The following SPECC1 variants were observed in gnomAD, a reference collection of about 807,000 sequenced individuals.
SPECC1 encodes sperm antigen with calponin homology and coiled-coil domains 1.
In SPECC1, 62 loss-of-function variants were observed where a neutral mutation model predicts 104.1. The ratio of observed to expected loss-of-function variants is 0.60; its 90% confidence interval spans 0.49 to 0.74. The LOEUF is 0.74. SPECC1 is among the 30% of genes least tolerant of loss of function. The pLI, the probability that SPECC1 is intolerant of heterozygous loss-of-function variation, is 0.00. For synonymous variants in SPECC1, 513 were observed against 501.6 expected, an observed-to-expected ratio of 1.02 and a Z score of -0.30; for missense variants, 1,306 against 1,310.5, an observed-to-expected ratio of 1.00 and a Z score of 0.05.
At chr17:20,217,230 T>A (rs182954558) in intron 4 of SPECC1, among the ~76,000 whole-genome samples, 1 of 152,160 alleles carries the variant, frequency 6.6e-6, no homozygotes, top group African/African-American at 2.4e-5. Flanking sequence ...TTGTGAGAAG[T>A]TGTGAAATGA....
chr17:20,288,939 C>T (rs12942627), intron 12 of SPECC1, among the ~76,000 whole-genome samples: 64,327 of 151,622 alleles, frequency 0.42, 14,272 homozygotes, highest in East Asian at 0.8. Context: ...CGCCTGCCAC[C>T]GTGCCCGGCT....
chr17:20,207,193 T>C (rs997863369), intron 4 of SPECC1, among the ~76,000 whole-genome samples: 2 of 152,194 alleles, frequency 1.3e-5, no homozygotes, highest in Admixed American at 1.3e-4. Context: ...AATTATGCCA[T>C]GAGCTCTCAG....
At chr17:20,190,066 C>T (rs1033454474) in intron 3 of SPECC1, among the ~76,000 whole-genome samples, 1 of 151,886 alleles carries the variant, frequency 6.6e-6, no homozygotes, top group Non-Finnish European at 1.5e-5. Flanking sequence ...AGAAAGCACA[C>T]CACTGAGACG....
chr17:20,173,014 A>G (rs917806679), intron 3 of SPECC1, among the ~76,000 whole-genome samples: 2 of 152,236 alleles, frequency 1.3e-5, no homozygotes, highest in South Asian at 2.1e-4. Flanking sequence ...GACTTGGGCT[A>G]CATCTATGAA....
chr17:20,240,883 T>G (rs146087442), intron 7 of SPECC1, among the ~76,000 whole-genome samples: 66 of 152,368 alleles, frequency 4.3e-4, no homozygotes, highest in African/African-American at 1.5e-3. Context: ...AGTCATGAAT[T>G]TACAAACGCC....
At chr17:20,158,078 TTAG>T (rs1256411593) in intron 3 of SPECC1, among the ~76,000 whole-genome samples, 2 of 152,158 alleles carry the variant, frequency 1.3e-5, no homozygotes, top group Non-Finnish European at 2.9e-5. Context: ...ATCCTGGAAA[TTAG>T]AGCTTTGTTA....
rs547457402 is a variant in SPECC1 at position 20,245,751 on chromosome 17, A to G, written c.2352-175A>G. Among the ~76,000 whole-genome samples the G allele has an allele frequency of 5.3e-5, 8 of 152,346 alleles. No individual in the cohort carries two copies. The South Asian group carries it at 1.4e-3, about 28-fold the overall frequency. On this transcript the variant is annotated intron_variant, in intron 7 of 14. Transcript: ENST00000395527. The stretch of plus-strand genomic sequence containing the variant: ...ACAGCTCTTCTAAAAATTGAGAGCA[A>G]TGCCTACATTATTTCCTAAAGATGC...
intron 1 of SPECC1, among the ~76,000 whole-genome samples, chr17:20,028,386 G>C (rs1389599536): frequency 6.6e-6 from 1 of 151,856 alleles, no homozygotes; most frequent in Non-Finnish European, 1.5e-5. Flanking sequence ...AGTTATCCCA[G>C]CACTTTGGGA....
intron 1 of SPECC1, among the ~76,000 whole-genome samples, chr17:20,072,384 T>A (rs538289860): frequency 2.2e-4 from 34 of 152,336 alleles, no homozygotes; most frequent in Admixed American, 6.5e-4. Flanking sequence ...TCCCAACCAC[T>A]ACCACCTCCT....
chr17:20,130,694 T>A (rs958824498), intron 3 of SPECC1, among the ~76,000 whole-genome samples: 1 of 152,214 alleles, frequency 6.6e-6, no homozygotes, highest in East Asian at 1.9e-4. Context: ...CCTACTTTAT[T>A]ATTTTCCAAA....
At chr17:20,219,432 C>T (rs895199038) in intron 4 of SPECC1, among the ~76,000 whole-genome samples, 2 of 152,114 alleles carry the variant, frequency 1.3e-5, no homozygotes, top group East Asian at 1.9e-4. Flanking sequence ...TGATCAGTGA[C>T]ATTCAGTATG....
intron 3 of SPECC1, among the ~76,000 whole-genome samples, chr17:20,161,374 T>C (rs779646210): frequency 5.3e-5 from 8 of 152,204 alleles, no homozygotes; most frequent in Non-Finnish European, 7.3e-5. Context: ...CCTGCACTTA[T>C]TCCCAGTCTG....
Position 20,194,502 on chromosome 17 carries a change from A to ATTATTTTTTTT in SPECC1, c.284-9829_284-9828insATTTTTTTTTT. Among the ~76,000 whole-genome samples the ATTATTTTTTTT allele has an allele frequency of 8.0e-4, 69 of 86,536 alleles. 10 individuals are homozygous for ATTATTTTTTTT. The highest frequency in any genetic ancestry group is 1.9e-3 in the East Asian group (5 of 2,566). 56.8% of individuals were successfully genotyped at this position (86,536 alleles called of 152,430 possible). A position where few individuals can be genotyped will look rare whatever the true frequency, so the allele number is the denominator to read the frequency against. The stretch of plus-strand genomic sequence containing the variant: ...TGTGTTCTGTTAGAAAAGAGAACGA[A>ATTATTTTTTTT]TTTTTTTTTTTTTTTTTTTTTTTGA... On this transcript the variant is annotated intron_variant, in intron 3 of 14. Transcript: ENST00000395527.
At chr17:20,082,726 C>T (rs2047022154) in intron 1 of SPECC1, among the ~76,000 whole-genome samples, 1 of 152,082 alleles carries the variant, frequency 6.6e-6, no homozygotes, top group African/African-American at 2.4e-5. Context: ...AACCATATGA[C>T]CTCATTGCAC....
chr17:20,220,558 G>GTTTTTT (rs34347184), intron 4 of SPECC1, among the ~76,000 whole-genome samples: 1 of 128,084 alleles, frequency 7.8e-6, no homozygotes, highest in African/African-American at 2.9e-5. Flanking sequence ...GTTCTTAATA[G>GTTTTTT]TTTTTTTTTT....
chr17:20,120,328 G>T (rs2048966964), intron 3 of SPECC1, among the ~76,000 whole-genome samples: 1 of 152,084 alleles, frequency 6.6e-6, no homozygotes, highest in Non-Finnish European at 1.5e-5. Context: ...GGAGGCTGCA[G>T]TGAGCCGAGA....
intron 12 of SPECC1, among the ~76,000 whole-genome samples, chr17:20,268,946 T>C (rs1456537496): frequency 6.6e-6 from 1 of 152,146 alleles, no homozygotes; most frequent in East Asian, 1.9e-4. Flanking sequence ...AACAAAAATA[T>C]CAAAGTGTGT....
intron 13 of SPECC1, among the ~76,000 whole-genome samples, chr17:20,298,815 C>T (rs936728058): frequency 2.6e-5 from 4 of 151,728 alleles, no homozygotes; most frequent in African/African-American, 7.3e-5. Flanking sequence ...GATTATCCCA[C>T]ATCAGGATTT....
At chr17:20,244,731 C>T (rs1350494638) in intron 7 of SPECC1, among the ~76,000 whole-genome samples, 1 of 151,994 alleles carries the variant, frequency 6.6e-6, no homozygotes, top group African/African-American at 2.4e-5. Context: ...AAACTTCCAC[C>T]GACCTTATTG....
Sources: gnomAD v4.1 joint callset for allele counts (sites outside exome capture counted in the v4.1 genomes callset) on GRCh38, gnomAD v4.1.1 for gene constraint, MANE v1.5 for transcripts, NCBI Gene and HGNC (gene_info 2026-07-23, HGNC 2026-07-21) for gene names.